Variants in KCNH8 observed in about 807,000 individuals in gnomAD.
KCNH8 encodes voltage-gated delayed rectifier potassium channel KCNH8.
KCNH8 carries 70 observed loss-of-function variants against 103.6 expected under a neutral mutation model. That is an observed-to-expected ratio of 0.68 (90% CI 0.56 to 0.82). The LOEUF is 0.82. KCNH8 is among the 40% of genes least tolerant of loss of function. KCNH8 has a pLI of 0.00. For synonymous variants in KCNH8, 498 were observed against 489.4 expected (o/e 1.02, Z -0.23); for missense variants, 1,217 against 1,329.9 (o/e 0.92, Z 1.32).
chr3:19,496,800 G>T (rs1057100694), intron 11 of KCNH8, among the ~76,000 whole-genome samples: 1 of 152,084 alleles, frequency 6.6e-6, no homozygotes, highest in Non-Finnish European at 1.5e-5. Flanking sequence ...GGCAGAATTT[G>T]GCTGTGAATC....
At chr3:19,441,140 C>G (rs2067278362) in intron 8 of KCNH8, among the ~76,000 whole-genome samples, 1 of 152,096 alleles carries the variant, frequency 6.6e-6, no homozygotes. Flanking sequence ...TTCTCAGAAC[C>G]AAACTGATTG....
At chr3:19,486,412 A>G (rs1290317704) in intron 11 of KCNH8, among the ~76,000 whole-genome samples, 1 of 152,188 alleles carries the variant, frequency 6.6e-6, no homozygotes. Context: ...GGGCTTTTAT[A>G]TTCAGCTTTT....
intron 3 of KCNH8, among the ~76,000 whole-genome samples, chr3:19,302,950 G>A (rs577442887): frequency 3.3e-5 from 5 of 151,886 alleles, no homozygotes; most frequent in Non-Finnish European, 2.9e-5. Context: ...ATTATCCTTG[G>A]GATACTGTCC....
At chr3:19,175,785 T>C (rs2063394253) in intron 1 of KCNH8, among the ~76,000 whole-genome samples, 1 of 152,222 alleles carries the variant, frequency 6.6e-6, no homozygotes, top group African/African-American at 2.4e-5. Context: ...GTTGATCATG[T>C]ATTTATTCAA....
chr3:19,406,509 G>A (rs932757686), intron 7 of KCNH8, among the ~76,000 whole-genome samples: 1 of 152,088 alleles, frequency 6.6e-6, no homozygotes, highest in African/African-American at 2.4e-5. Flanking sequence ...AGGACAGTAA[G>A]AAGCAAGGGA....
intron 3 of KCNH8, among the ~76,000 whole-genome samples, chr3:19,308,654 C>T (rs894368104): frequency 9.2e-4 from 2 of 2,172 alleles, no homozygotes. Flanking sequence ...GTTGGGGTCT[C>T]TCTCTCTCTC....
chr3:19,276,018 A>T (rs912815702), intron 2 of KCNH8, among the ~76,000 whole-genome samples: 1 of 152,064 alleles, frequency 6.6e-6, no homozygotes, highest in East Asian at 1.9e-4. Context: ...AATAAAGTGG[A>T]GGGGTAACTT....
chr3:19,221,679 GT>G (rs1021878093), intron 1 of KCNH8, among the ~76,000 whole-genome samples: 1 of 151,742 alleles, frequency 6.6e-6, no homozygotes, highest in African/African-American at 2.4e-5. Flanking sequence ...ATTTTGACAA[GT>G]CCTCTTGGTC....
intron 3 of KCNH8, among the ~76,000 whole-genome samples, chr3:19,326,144 T>C (rs897379463): frequency 5.9e-5 from 9 of 151,770 alleles, no homozygotes; most frequent in African/African-American, 2.2e-4. Flanking sequence ...TGAGAACTCA[T>C]AGACACATAG....
intron 1 of KCNH8, among the ~76,000 whole-genome samples, chr3:19,157,443 T>C (rs2063191482): frequency 6.6e-6 from 1 of 152,112 alleles, no homozygotes; most frequent in Non-Finnish European, 1.5e-5. Flanking sequence ...AGCCTGTCCT[T>C]CTCTCTCAAC....
intron 11 of KCNH8, among the ~76,000 whole-genome samples, chr3:19,500,377 T>C (rs566084685): frequency 1.3e-5 from 2 of 152,234 alleles, no homozygotes; most frequent in East Asian, 1.9e-4. Context: ...GACAGATCAA[T>C]GAGACAGAAA....
chr3:19,514,492 T>C (rs890980144), intron 13 of KCNH8, among the ~76,000 whole-genome samples: 4 of 151,906 alleles, frequency 2.6e-5, no homozygotes, highest in Non-Finnish European at 4.4e-5. Context: ...ATAAAAAGAA[T>C]ATATGTTCTT....
chr3:19,431,712 T>G (rs1278515523), intron 7 of KCNH8, among the ~76,000 whole-genome samples: 1 of 151,866 alleles, frequency 6.6e-6, no homozygotes, highest in African/African-American at 2.4e-5. Flanking sequence ...TTCAATTTCT[T>G]TCTGGCTCAA....
chr3:19,410,051 C>A (rs548864900), intron 7 of KCNH8, among the ~76,000 whole-genome samples: 105 of 152,216 alleles, frequency 6.9e-4, no homozygotes, highest in Middle Eastern at 6.8e-3. Flanking sequence ...ATACTCCACC[C>A]ATCAACTATA....
At chr3:19,514,169 G>A (rs1031142552) in intron 13 of KCNH8, among the ~76,000 whole-genome samples, 3 of 152,034 alleles carry the variant, frequency 2.0e-5, no homozygotes, top group African/African-American at 7.2e-5. Flanking sequence ...GAGATATTAA[G>A]TATTGAAAGG....
rs2069239191 is a variant in KCNH8, at chr3:19,534,759, A to AT, written c.*664dup. 6.6e-6 allele frequency: 1 copy of AT among 152,418 alleles called. No individual in the cohort carries two copies. The allele number at this position is 152,418 out of a possible 1,614,324, so 9.4% of individuals were successfully genotyped here. A position where few individuals can be genotyped will look rare whatever the true frequency, so the allele number is the denominator to read the frequency against. The stretch of plus-strand genomic sequence containing the variant: ...ATAAAGAAATGAATGTTTTCTTTTC[A>AT]TTTTGGTAAAAAAAAAGCTTGCTGT... On this transcript the variant is annotated 3_prime_UTR_variant, in exon 16 of 16. Transcript: ENST00000328405.
chr3:19,437,003 C>T (rs1055126382), intron 7 of KCNH8, among the ~76,000 whole-genome samples: 5 of 152,154 alleles, frequency 3.3e-5, no homozygotes, highest in Non-Finnish European at 7.4e-5. Context: ...TCCTTGGTCT[C>T]AAGGAATTCC....
Position 19,342,651 on chromosome 3 carries a change from A to G in KCNH8, c.507A>G (p.Ala169=). 6.2e-7 allele frequency: 1 copy of G among 1,611,262 alleles called. No individual in the cohort carries two copies. The highest frequency in any genetic ancestry group is 8.5e-7 in the Non-Finnish European group (1 of 1,177,992). The change falls in exon 4 of 16, where the codon GCA becomes GCG. Residue 169 remains alanine (A), a synonymous_variant. Transcript: ENST00000328405. ...HFDSARRRSR[A]VLYHISGHLQ... is the part of the protein sequence containing the mutation. ...ACTCAGCCCGGAGACGGAGTCGAGC[A>G]GTCCTTTATCACATCTCTGGGCACC...
intron 1 of KCNH8, among the ~76,000 whole-genome samples, chr3:19,196,460 G>GA (rs56047240): frequency 0.073 from 10,556 of 143,814 alleles, 418 homozygotes; most frequent in East Asian, 0.18. Flanking sequence ...AGACTGAAAT[G>GA]AAAAAAAAAA....
Sources: allele counts gnomAD v4.1 joint callset (sites outside exome capture counted in the v4.1 genomes callset), GRCh38; gene constraint gnomAD v4.1.1; transcripts MANE v1.5; gene names NCBI Gene and HGNC (gene_info 2026-07-23, HGNC 2026-07-21).